The following OR8B3 variants were observed in gnomAD, a reference collection of about 807,000 sequenced individuals.
OR8B3 encodes olfactory receptor family 8 subfamily B member 3.
For synonymous variants in OR8B3, 102 were observed against 135.4 expected, an observed-to-expected ratio of 0.75 and a Z score of 1.71; for missense variants, 278 against 377.6, an observed-to-expected ratio of 0.74 and a Z score of 2.19.
At chr11:124,404,253 A>G in the OR8B3 span, 2 of 152,162 alleles carry the variant, frequency 1.3e-5, no homozygotes, top group Admixed American at 6.5e-5. Context: ...AGTGTTTTCA[A>G]CTTTTTCAGA....
chr11:124,396,385 C>T lies in OR8B3; in HGVS notation c.*25G>A, dbSNP rs774451193. The T allele has an allele frequency of 5.8e-6, 9 of 1,555,818 alleles. No homozygotes were observed. Among genetic ancestry groups the T allele is most frequent in the South Asian group, 4.9e-5 (4 of 81,430 alleles). On this transcript the variant is annotated 3_prime_UTR_variant, in exon 2 of 2. Coordinates refer to ENST00000641139, the MANE Select transcript of OR8B3 (RefSeq NM_001005467.2). ...TAATAAAAATTTAAAGTTCTTCAAT[C>T]GTTTTACATTATTACTGCTTCTAAT... is the stretch of plus-strand genomic sequence containing the variant.
In OR8B3 at chr11:124,397,210, G is replaced by A. The variant is rs1338775962; in HGVS notation, c.142C>T (p.Leu48Phe). 6.2e-7 allele frequency: 1 copy of A among 1,610,410 alleles called. No homozygotes were observed. The highest frequency in any genetic ancestry group is 8.5e-7 in the Non-Finnish European group (1 of 1,179,626). Residue 48 changes from leucine (L) to phenylalanine (F), a missense_variant, in exon 2 of 2, where the codon CTT (leucine) becomes TTT (phenylalanine). Physicochemically the swap from Leu to Phe is conservative, Grantham distance 22. Coordinates refer to ENST00000641139, the MANE Select transcript of OR8B3 (RefSeq NM_001005467.2). ...TMVGNLGLII[L>F]FGLNSHLHTP... ...TGGAGGTGAGAATTTAGACCGAAAA[G>A]AATGATCAAGCCAAGGTTGCCTACC... is the stretch of plus-strand genomic sequence containing the variant.
At chr11:124,398,152 A>G (rs966289729) in intron 1 of OR8B3, among the ~76,000 whole-genome samples, 5 of 152,176 alleles carry the variant, frequency 3.3e-5, no homozygotes, top group South Asian at 2.1e-4. Context: ...ATACCTTACT[A>G]TAAGAATCCA....
upstream of OR8B3, among the ~76,000 whole-genome samples, chr11:124,400,270 A>G (rs1860971084): frequency 6.6e-6 from 1 of 152,196 alleles, no homozygotes; most frequent in Admixed American, 6.5e-5. Context: ...AAATGTATAC[A>G]TCATGAAATT....
chr11:124,401,416 A>T (rs1860994121), upstream of OR8B3, among the ~76,000 whole-genome samples: 1 of 152,208 alleles, frequency 6.6e-6, no homozygotes, highest in African/African-American at 2.4e-5. Flanking sequence ...GAGGGGACAA[A>T]CAATCAAAAC....
upstream of OR8B3, among the ~76,000 whole-genome samples, chr11:124,401,798 C>G (rs576518554): frequency 6.6e-6 from 1 of 152,214 alleles, no homozygotes; most frequent in Non-Finnish European, 1.5e-5. Context: ...GAGCAGTGGC[C>G]CTAGGATTTC....
upstream of OR8B3, among the ~76,000 whole-genome samples, chr11:124,401,857 T>TG (rs1426599698): frequency 2.0e-5 from 3 of 152,250 alleles, no homozygotes; most frequent in African/African-American, 7.2e-5. Context: ...GGCTGAGCAC[T>TG]GTGCTTCTTG....
At chr11:124,405,212 G>A in the OR8B3 span, 2 of 152,162 alleles carry the variant, frequency 1.3e-5, no homozygotes, top group Admixed American at 6.5e-5. Flanking sequence ...TCAGCTCAGG[G>A]TTGTCTAAAG....
chr11:124,403,611 C>G (rs1477785948), upstream of OR8B3, among the ~76,000 whole-genome samples: 2 of 151,248 alleles, frequency 1.3e-5, no homozygotes, highest in Non-Finnish European at 2.9e-5. Flanking sequence ...CGGGAAGAGG[C>G]GCTCCTCACT....
chr11:124,406,704 T>C, the OR8B3 span, among the ~76,000 whole-genome samples: 1 of 152,018 alleles, frequency 6.6e-6, no homozygotes, highest in Non-Finnish European at 1.5e-5. Context: ...TTCGTAAGCC[T>C]CTCTTCACCT....
the OR8B3 span, among the ~76,000 whole-genome samples, chr11:124,405,485 T>C: frequency 2.6e-5 from 4 of 152,212 alleles, no homozygotes; most frequent in Admixed American, 6.5e-5. Context: ...CATTCGTCGT[T>C]GTTTTTCCTA....
chr11:124,403,445 C>G (rs1259340365), upstream of OR8B3, among the ~76,000 whole-genome samples: 1 of 150,914 alleles, frequency 6.6e-6, no homozygotes, highest in Admixed American at 6.6e-5. Flanking sequence ...ACGGGGCGGC[C>G]GGGCAGAGAC....
the OR8B3 span, among the ~76,000 whole-genome samples, chr11:124,407,717 A>C: frequency 6.6e-6 from 1 of 152,170 alleles, no homozygotes; most frequent in African/African-American, 2.4e-5. Flanking sequence ...TGCCTGTCTG[A>C]AATTGCCTCT....
At chr11:124,407,701 A>G in the OR8B3 span, among the ~76,000 whole-genome samples, 6 of 152,294 alleles carry the variant, frequency 3.9e-5, no homozygotes, top group Admixed American at 2.6e-4. Flanking sequence ...CAAATTTTAT[A>G]GAAATTGCCT....
upstream of OR8B3, among the ~76,000 whole-genome samples, chr11:124,403,948 C>CA (rs1298373085): frequency 1.3e-5 from 2 of 152,244 alleles, no homozygotes; most frequent in African/African-American, 4.8e-5. Context: ...CCGTCTCCAC[C>CA]AAAAAAATAC....
chr11:124,406,301 C>T, the OR8B3 span, among the ~76,000 whole-genome samples: 1 of 151,968 alleles, frequency 6.6e-6, no homozygotes, highest in African/African-American at 2.4e-5. Flanking sequence ...AATTGATTGC[C>T]GTGGGGGTTA....
At chr11:124,405,452 C>T in the OR8B3 span, among the ~76,000 whole-genome samples, 53,949 of 152,082 alleles carry the variant, frequency 0.35, 10,231 homozygotes, top group African/African-American at 0.5. Context: ...GGAAGGAAAT[C>T]GGCAAGACAA....
the OR8B3 span, among the ~76,000 whole-genome samples, chr11:124,404,083 G>C: frequency 6.6e-6 from 1 of 152,184 alleles, no homozygotes; most frequent in Non-Finnish European, 1.5e-5. Flanking sequence ...GCTTCGGCTC[G>C]GCATCAGAGG....
chr11:124,400,904 CA>C (rs1860984059), upstream of OR8B3, among the ~76,000 whole-genome samples: 4 of 151,848 alleles, frequency 2.6e-5, no homozygotes, highest in African/African-American at 7.3e-5. Context: ...GATAATATTC[CA>C]AAAATATATA....
Sources: allele counts gnomAD v4.1 joint callset (sites outside exome capture counted in the v4.1 genomes callset), GRCh38; gene constraint gnomAD v4.1.1; transcripts MANE v1.5; gene names NCBI Gene and HGNC (gene_info 2026-07-23, HGNC 2026-07-21).